The following SGO2 variants were observed in gnomAD, a reference collection of about 807,000 sequenced individuals.
SGO2 encodes shugoshin-like 2.
A neutral mutation model predicts 99.5 loss-of-function variants in SGO2; 68 were observed. That is an observed-to-expected ratio of 0.68 (90% CI 0.56 to 0.84). The LOEUF (loss-of-function observed/expected upper bound fraction) is 0.84, where lower values mean the gene tolerates loss of function less well. SGO2 is among the 40% of genes least tolerant of loss of function. SGO2 has a pLI of 0.00. For synonymous variants in SGO2, 457 were observed against 487.1 expected (o/e 0.94, Z 0.81); for missense variants, 1,350 against 1,436.7 (o/e 0.94, Z 0.97).
At chr2:200,532,278 TTTTTTG>T (rs1559196907) in intron 1 of SGO2, 5 of 391,806 alleles carry the variant, frequency 1.3e-5, no homozygotes, top group African/African-American at 1.0e-4. Flanking sequence ...TTTTGTTTTT[TTTTTTG>T]TTTTTTTTTT....
chr2:200,562,782 A>G (rs187316960), intron 5 of SGO2, among the ~76,000 whole-genome samples: 1,862 of 152,200 alleles, frequency 0.012, 46 homozygotes, highest in African/African-American at 0.042. Context: ...CATCCCTTGT[A>G]AGTTGGATTC....
chr2:200,557,453 C>T (rs1352673012), intron 5 of SGO2, among the ~76,000 whole-genome samples: 5 of 152,134 alleles, frequency 3.3e-5, no homozygotes, highest in Admixed American at 3.3e-4. Context: ...TCAGTATCAT[C>T]CCTTCATGGT....
In SGO2 at chr2:200,570,778, C is replaced by A. The variant is rs533016586; in HGVS notation, c.704-272C>A. 5.1e-4 allele frequency among the ~76,000 whole-genome samples: 77 copies of A among 151,910 alleles called. No individual in the cohort carries two copies. Among genetic ancestry groups the A allele is most frequent in the African/African-American group, 1.9e-3 (77 of 41,470 alleles). On this transcript the variant is annotated intron_variant, in intron 6 of 8. Transcript: ENST00000357799. This position sits in a 1 kb window ranked among gnomAD's most constrained non-coding sequence, Gnocchi z 4.4. The stretch of plus-strand genomic sequence containing the variant: ...CTAGAAATGTATGCTAATGGTTCTA[C>A]TGTTGGCTGTACTCCACTCTACTGT...
At chr2:200,546,269 C>T (rs970565833) in intron 5 of SGO2, among the ~76,000 whole-genome samples, 2 of 143,134 alleles carry the variant, frequency 1.4e-5, no homozygotes, top group Admixed American at 1.5e-4. Context: ...AGGAGAATGA[C>T]GTGAACCCAG....
In SGO2 at chr2:200,572,573, TC is replaced by T; in HGVS notation, c.2228del (p.Ser743TyrfsTer4). 6.2e-7 allele frequency: 1 copy of T among 1,611,806 alleles called. No individual in the cohort carries two copies. Among genetic ancestry groups the T allele is most frequent in the Non-Finnish European group, 8.5e-7 (1 of 1,178,288 alleles). ...KSIEYTVKSHSLFLTQKDKEI... is the reference protein window; with the variant it reads ...KSIEYTVKSHXLFLTQKDKEI... ...TATAGAATACACAGTTAAAAGTCAC[TC>T]ACTCTTTTTAACGCAAAAAGATAAG... On this transcript the variant is annotated frameshift_variant, in exon 7 of 9. Coordinates refer to ENST00000357799, the MANE Select transcript of SGO2 (RefSeq NM_152524.6). LOFTEE classifies it high-confidence loss of function.
At chr2:200,578,466 C>T (rs187630493) in intron 8 of SGO2, among the ~76,000 whole-genome samples, 1 of 152,178 alleles carries the variant, frequency 6.6e-6, no homozygotes, top group Non-Finnish European at 1.5e-5. Context: ...CTAAAGGTGT[C>T]GTCCAGGCTG....
At chr2:200,540,245 G>A (rs1415537716) in intron 4 of SGO2, among the ~76,000 whole-genome samples, 2 of 152,134 alleles carry the variant, frequency 1.3e-5, no homozygotes, top group Non-Finnish European at 2.9e-5. Flanking sequence ...AGAGTTACCT[G>A]ATTTTTGGTA....
At chr2:200,568,376 A>G (rs2033272122) in intron 5 of SGO2, among the ~76,000 whole-genome samples, 1 of 152,174 alleles carries the variant, frequency 6.6e-6, no homozygotes, top group African/African-American at 2.4e-5. Context: ...GTTGGAGAAA[A>G]TGTAGATTCA....
intron 5 of SGO2, among the ~76,000 whole-genome samples, chr2:200,561,046 C>A (rs1260073338): frequency 6.6e-5 from 10 of 151,884 alleles, no homozygotes; most frequent in African/African-American, 2.2e-4. Flanking sequence ...TTTTCTTATT[C>A]TTTTTTTTAT....
intron 5 of SGO2, among the ~76,000 whole-genome samples, chr2:200,567,623 C>A (rs557830215): frequency 6.6e-6 from 1 of 152,190 alleles, no homozygotes; most frequent in Non-Finnish European, 1.5e-5. Context: ...TCTCCACCCC[C>A]CTAGCCCCTA....
At chr2:200,576,949 T>G (rs1309064483) in intron 8 of SGO2, among the ~76,000 whole-genome samples, 5 of 152,234 alleles carry the variant, frequency 3.3e-5, no homozygotes, top group East Asian at 1.9e-4. Flanking sequence ...TGTTCTTTGA[T>G]GGACAATTGG....
At chr2:200,577,642 C>T (rs2033709528) in intron 8 of SGO2, among the ~76,000 whole-genome samples, 1 of 151,776 alleles carries the variant, frequency 6.6e-6, no homozygotes, top group Non-Finnish European at 1.5e-5. Flanking sequence ...GTTGTTGTTT[C>T]TCCTAAGCAT....
intron 1 of SGO2, chr2:200,531,681 A>G (rs2031388865): frequency 6.6e-6 from 1 of 152,268 alleles, no homozygotes; most frequent in South Asian, 2.1e-4. Flanking sequence ...ACAAATTATC[A>G]TAAATGAGGT....
In SGO2 at chr2:200,531,369, T is replaced by C. The variant is rs550155514; in HGVS notation, c.-2-1605T>C. ...GTGAAGGGAAAGGGGTAATAGAGTC[T>C]AGTGACAGTATATTCAAGGATGGGA... is the stretch of plus-strand genomic sequence containing the variant. On this transcript the variant is annotated intron_variant, in intron 1 of 8. Coordinates refer to ENST00000357799, the MANE Select transcript of SGO2 (RefSeq NM_152524.6). Among the ~76,000 whole-genome samples the C allele has an allele frequency of 1.5e-4, 23 of 152,134 alleles. 1 individual carries two copies. Among genetic ancestry groups the C allele is most frequent in the South Asian group, 6.2e-4 (3 of 4,808 alleles).
At position 200,553,342 on chromosome 2, in the gene SGO2, AG is replaced by A. The variant is rs2032573642; in HGVS notation, c.473+10681del. On this transcript the variant is annotated intron_variant, in intron 5 of 8. Transcript: ENST00000357799. Reference sequence around the variant, plus strand: ...GGGCAATTGTTGAAACCAAGCTAATAGGGAGTCACTAACTGATTCCAATATG... The same window carrying A: ...GGGCAATTGTTGAAACCAAGCTAATAGGAGTCACTAACTGATTCCAATATG... Among the ~76,000 whole-genome samples, 4 of 152,352 alleles carry A rather than the reference AG, an allele frequency of 2.6e-5. No individual in the cohort carries two copies. The South Asian group carries it at 8.3e-4, about 32-fold the overall frequency.
intron 4 of SGO2, 69 bp downstream of exon 4, chr2:200,536,211 A>G (rs1387521513): frequency 8.3e-6 from 8 of 959,644 alleles, no homozygotes. Context: ...TTACTTAAAT[A>G]ACATCAAGGT....
chr2:200,570,830 A>G lies in SGO2; in HGVS notation c.704-220A>G, dbSNP rs1275114243. Reference sequence around the variant, plus strand: ...GGGGCTGAGGCAGAATTCTCAGTATATATTTTCTGTAGATACAAATGTAAA... The same window carrying G: ...GGGGCTGAGGCAGAATTCTCAGTATGTATTTTCTGTAGATACAAATGTAAA... On this transcript the variant is annotated intron_variant, in intron 6 of 8. Coordinates refer to ENST00000357799, the MANE Select transcript of SGO2 (RefSeq NM_152524.6). This position sits in a 1 kb window ranked among gnomAD's most constrained non-coding sequence, Gnocchi z 4.4. Among the ~76,000 whole-genome samples the G allele has an allele frequency of 6.6e-6, 1 of 151,956 alleles. No homozygotes were observed. The highest frequency in any genetic ancestry group is 2.4e-5 in the African/African-American group (1 of 41,396).
intron 2 of SGO2, chr2:200,533,439 G>A (rs1450980232): frequency 4.3e-5 from 9 of 207,430 alleles, no homozygotes; most frequent in African/African-American, 1.9e-4. Flanking sequence ...GGCATGTTGT[G>A]GCAACTGGAT....
intron 5 of SGO2, among the ~76,000 whole-genome samples, chr2:200,559,055 G>A (rs907138498): frequency 2.0e-5 from 3 of 152,088 alleles, no homozygotes; most frequent in East Asian, 1.9e-4. Flanking sequence ...CACCTGCCTC[G>A]GCCTCCCAGT....
Sources: allele counts gnomAD v4.1 joint callset (sites outside exome capture counted in the v4.1 genomes callset), GRCh38; gene constraint gnomAD v4.1.1; non-coding constraint Gnocchi (gnomAD v3.1); transcripts MANE v1.5; gene names NCBI Gene and HGNC (gene_info 2026-07-23, HGNC 2026-07-21).